Variants in CSMD1 observed in about 807,000 individuals in gnomAD.
CSMD1 encodes the protein CUB and Sushi multiple domains 1, also known as CUB and sushi domain-containing protein 1.
CSMD1 carries 213 observed loss-of-function variants against 417.5 expected under a neutral mutation model. The observed-to-expected ratio is 0.51, with a 90% confidence interval of 0.46 to 0.57. The LOEUF (loss-of-function observed/expected upper bound fraction) is 0.57, where lower values mean the gene tolerates loss of function less well. Ranked by LOEUF, CSMD1 falls within the 20% of genes least tolerant of loss-of-function variation. The pLI is 0.00. For synonymous variants in CSMD1, 2,862 were observed against 1,736.8 expected (o/e 1.65, Z -16.11); for missense variants, 6,923 against 4,529.7 (o/e 1.53, Z -15.17).
intron 17 of CSMD1, among the ~76,000 whole-genome samples, chr8:3,388,892 T>C (rs1036201135): frequency 7.5e-5 from 8 of 106,328 alleles, no homozygotes; most frequent in African/African-American, 2.3e-4. Flanking sequence ...ACCACACACA[T>C]GCATACACAC....
intron 2 of CSMD1, among the ~76,000 whole-genome samples, chr8:4,634,540 G>A (rs1802714549): frequency 6.6e-6 from 1 of 152,178 alleles, no homozygotes; most frequent in East Asian, 1.9e-4. Flanking sequence ...CACCAAGACA[G>A]CTCTAAGCAA....
intron 3 of CSMD1, among the ~76,000 whole-genome samples, chr8:4,040,044 A>G (rs1441605949): frequency 1.4e-5 from 2 of 146,850 alleles, no homozygotes; most frequent in East Asian, 4.6e-4. Context: ...CCAATTCTAA[A>G]GCACCATGCA....
chr8:3,371,290 C>G (rs7842289), intron 18 of CSMD1, among the ~76,000 whole-genome samples: 51 of 152,102 alleles, frequency 3.4e-4, no homozygotes, highest in Middle Eastern at 3.4e-3. Context: ...GTTAGTAACA[C>G]GTGCAAAGTT....
At chr8:4,877,502 C>T (rs1365368688) in intron 1 of CSMD1, among the ~76,000 whole-genome samples, 1 of 152,172 alleles carries the variant, frequency 6.6e-6, no homozygotes, top group South Asian at 2.1e-4. Context: ...AAAATCTCTT[C>T]CCGATCCCCT....
At chr8:4,156,222 G>C (rs923871133) in intron 3 of CSMD1, among the ~76,000 whole-genome samples, 10 of 152,124 alleles carry the variant, frequency 6.6e-5, no homozygotes, top group Non-Finnish European at 1.3e-4. Flanking sequence ...TGATATCCTT[G>C]GGGTGGTAGC....
intron 3 of CSMD1, among the ~76,000 whole-genome samples, chr8:4,337,111 A>T (rs778210977): frequency 7.4e-4 from 113 of 152,210 alleles, no homozygotes; most frequent in Non-Finnish European, 1.5e-3. Context: ...CACGTACAGG[A>T]GACCGAAGCA....
chr8:2,981,322 G>C (rs574006607), intron 54 of CSMD1, among the ~76,000 whole-genome samples: 2 of 152,342 alleles, frequency 1.3e-5, no homozygotes, highest in African/African-American at 4.8e-5. Flanking sequence ...CTGATGGAAA[G>C]AGGCTTATGT....
chr8:4,765,344 T>C (rs1222127525), intron 1 of CSMD1, among the ~76,000 whole-genome samples: 1 of 152,190 alleles, frequency 6.6e-6, no homozygotes, highest in East Asian at 1.9e-4. Flanking sequence ...TTCACTTCAT[T>C]GTTCTCCACA....
rs150167765 is a variant in CSMD1, at chr8:4,053,230, G to A, written c.416-21131C>T. On this transcript the variant is annotated intron_variant, in intron 3 of 69. Coordinates refer to ENST00000635120, the MANE Select transcript of CSMD1 (RefSeq NM_033225.6). ...TTAAAAAGTCACTAACAACAGCACC[G>A]TGTGTTTAGAACTTAGACTACCAAG... Among the ~76,000 whole-genome samples, 145 of 152,328 alleles carry A rather than the reference G, an allele frequency of 9.5e-4. 1 individual carries two copies. Among genetic ancestry groups the A allele is most frequent in the Admixed American group, 2.0e-3 (31 of 15,294 alleles).
chr8:2,990,043 G>C (rs980811034), intron 54 of CSMD1, among the ~76,000 whole-genome samples: 9 of 152,232 alleles, frequency 5.9e-5, no homozygotes, highest in African/African-American at 2.2e-4. Flanking sequence ...CCTAAGACGT[G>C]AAGACATAAT....
intron 26 of CSMD1, among the ~76,000 whole-genome samples, chr8:3,267,727 C>G (rs1410377837): frequency 1.3e-5 from 2 of 152,130 alleles, no homozygotes; most frequent in Non-Finnish European, 2.9e-5. Flanking sequence ...TTTTGGGTTA[C>G]CCGGTGGGTG....
At chr8:4,872,246 TTC>T (rs1219479944) in intron 1 of CSMD1, among the ~76,000 whole-genome samples, 3 of 152,090 alleles carry the variant, frequency 2.0e-5, no homozygotes, top group Non-Finnish European at 4.4e-5. Flanking sequence ...TACTTCCTTT[TTC>T]TCTGTGTGTG....
chr8:3,100,628 T>C (rs1412076392), intron 46 of CSMD1, among the ~76,000 whole-genome samples: 1 of 152,204 alleles, frequency 6.6e-6, no homozygotes, highest in African/African-American at 2.4e-5. Context: ...CTCTCAGACA[T>C]CACCTGCGCC....
chr8:4,276,165 T>G lies in CSMD1; in HGVS notation c.415+143788A>C, dbSNP rs182389959. On this transcript the variant is annotated intron_variant, in intron 3 of 69. Coordinates refer to ENST00000635120, the MANE Select transcript of CSMD1 (RefSeq NM_033225.6). ...TAAATCATTATGCTATAAAGACACA[T>G]GCACACATATGCTTATTGCAGCACT... Among the ~76,000 whole-genome samples the G allele has an allele frequency of 2.8e-4, 43 of 152,240 alleles. No individual in the cohort carries two copies. The East Asian group carries it at 8.1e-3, about 29-fold the overall frequency.
At chr8:4,922,190 G>A (rs754925671) in intron 1 of CSMD1, among the ~76,000 whole-genome samples, 5 of 151,954 alleles carry the variant, frequency 3.3e-5, no homozygotes, top group Non-Finnish European at 7.4e-5. Context: ...CTGTGTGTGC[G>A]AGTGTGTGCG....
intron 3 of CSMD1, among the ~76,000 whole-genome samples, chr8:4,081,607 T>A (rs901915849): frequency 2.6e-5 from 4 of 152,138 alleles, no homozygotes; most frequent in Non-Finnish European, 5.9e-5. Context: ...GCAGAATACA[T>A]AAATTTTTTG....
chr8:3,589,966 G>GTCAC (rs35617244), intron 8 of CSMD1, among the ~76,000 whole-genome samples: 1 of 3,140 alleles, frequency 3.2e-4, no homozygotes, highest in Non-Finnish European at 1.0e-3. Flanking sequence ...GAAATTTCTG[G>GTCAC]TGATATTCTT....
intron 3 of CSMD1, among the ~76,000 whole-genome samples, chr8:4,238,557 A>G (rs894439329): frequency 6.6e-6 from 1 of 152,168 alleles, no homozygotes; most frequent in African/African-American, 2.4e-5. Context: ...GCTGGTGATT[A>G]GTTAGACAAT....
intron 3 of CSMD1, among the ~76,000 whole-genome samples, chr8:4,402,574 CTT>C (rs1804715060): frequency 6.6e-6 from 1 of 152,110 alleles, no homozygotes. Context: ...TGAAGGGAGA[CTT>C]TTATAGAAGA....
Sources: gnomAD v4.1 joint callset for allele counts (sites outside exome capture counted in the v4.1 genomes callset) on GRCh38, gnomAD v4.1.1 for gene constraint, MANE v1.5 for transcripts, NCBI Gene and HGNC (gene_info 2026-07-23, HGNC 2026-07-21) for gene names.